The following PPP1R9A variants were observed in gnomAD, a reference collection of about 807,000 sequenced individuals.
PPP1R9A encodes protein phosphatase 1 regulatory subunit 9A.
A neutral mutation model predicts 141.9 loss-of-function variants in PPP1R9A; 59 were observed. The ratio of observed to expected loss-of-function variants is 0.42; its 90% CI spans 0.34 to 0.52. The LOEUF (loss-of-function observed/expected upper bound fraction) is 0.52. Ranked by LOEUF, PPP1R9A falls within the 20% of genes least tolerant of loss-of-function variation. PPP1R9A has a pLI of 0.10. For missense variants in PPP1R9A, 1,444 were observed against 1,611.9 expected (o/e 0.90, Z 1.78); for synonymous variants, 500 against 569.7 (o/e 0.88, Z 1.74).
At chr7:95,288,809 C>T in intron 19 of PPP1R9A, 91 bp downstream of exon 19, 1 of 1,405,754 alleles carries the variant, frequency 7.1e-7, no homozygotes, top group East Asian at 2.4e-5. Flanking sequence ...GAGCATTCTG[C>T]ATATCTGAGA....
intron 2 of PPP1R9A, among the ~76,000 whole-genome samples, chr7:95,101,129 G>A (rs985070361): frequency 6.6e-6 from 1 of 152,082 alleles, no homozygotes; most frequent in Non-Finnish European, 1.5e-5. Context: ...TGGGATTACA[G>A]GCGTGAGCCA....
At chr7:95,142,695 A>T (rs116115555) in intron 4 of PPP1R9A, among the ~76,000 whole-genome samples, 1,588 of 152,154 alleles carry the variant, frequency 0.01, 25 homozygotes, top group African/African-American at 0.037. Context: ...TATGGACAAG[A>T]TTAATTTTTT....
intron 4 of PPP1R9A, among the ~76,000 whole-genome samples, chr7:95,121,519 G>A (rs1359589693): frequency 6.6e-6 from 1 of 150,868 alleles, no homozygotes; most frequent in Admixed American, 6.6e-5. Context: ...CTTAGGCGAA[G>A]ATTTTGATTA....
intron 5 of PPP1R9A, among the ~76,000 whole-genome samples, chr7:95,198,133 T>TC (rs369385106): frequency 7.0e-4 from 107 of 152,288 alleles, no homozygotes; most frequent in African/African-American, 2.4e-3. Context: ...TTTACTTTTT[T>TC]CCCCCTTCTT....
chr7:94,941,886 C>A (rs1795367759), intron 2 of PPP1R9A, among the ~76,000 whole-genome samples: 1 of 151,928 alleles, frequency 6.6e-6, no homozygotes, highest in African/African-American at 2.4e-5. Flanking sequence ...ATGGAAAGAG[C>A]AATTGGCTAT....
chr7:94,983,431 T>G (rs1394126831), intron 2 of PPP1R9A, among the ~76,000 whole-genome samples: 2 of 152,200 alleles, frequency 1.3e-5, no homozygotes, highest in African/African-American at 4.8e-5. Context: ...AGTATGGCCA[T>G]TTTCATGATA....
At chr7:95,224,756 TA>T (rs371912340) in intron 7 of PPP1R9A, among the ~76,000 whole-genome samples, 43 of 151,872 alleles carry the variant, frequency 2.8e-4, no homozygotes, top group Admixed American at 1.6e-3. Context: ...AGGAAGAATA[TA>T]ATACAGAATC....
intron 3 of PPP1R9A, among the ~76,000 whole-genome samples, chr7:95,118,827 CAAAAAAT>C (rs973674007): frequency 6.9e-6 from 1 of 143,988 alleles, no homozygotes; most frequent in African/African-American, 2.6e-5. Context: ...AAAAAAAACA[CAAAAAAT>C]TACCCAGATG....
chr7:95,044,267 A>G (rs1809669197), intron 2 of PPP1R9A, among the ~76,000 whole-genome samples: 1 of 152,188 alleles, frequency 6.6e-6, no homozygotes, highest in African/African-American at 2.4e-5. Context: ...AGCCACCTGA[A>G]GGGACTTCCC....
At chr7:95,064,478 A>G (rs1812684637) in intron 2 of PPP1R9A, among the ~76,000 whole-genome samples, 1 of 152,226 alleles carries the variant, frequency 6.6e-6, no homozygotes, top group Admixed American at 6.5e-5. Flanking sequence ...AATCACCAAC[A>G]AAAAGCACAA....
intron 2 of PPP1R9A, among the ~76,000 whole-genome samples, chr7:95,100,078 T>C (rs1398875223): frequency 6.6e-6 from 1 of 152,130 alleles, no homozygotes; most frequent in African/African-American, 2.4e-5. Context: ...TGTGTGTATG[T>C]GTGTGCATGT....
At chr7:95,086,475 C>A (rs957105790) in intron 2 of PPP1R9A, among the ~76,000 whole-genome samples, 2 of 151,962 alleles carry the variant, frequency 1.3e-5, no homozygotes. Context: ...CTTAACTTGG[C>A]AAATGATGTT....
intron 5 of PPP1R9A, among the ~76,000 whole-genome samples, chr7:95,192,403 T>C (rs1176957108): frequency 6.6e-6 from 1 of 152,012 alleles, no homozygotes; most frequent in Non-Finnish European, 1.5e-5. Context: ...AAATGGCATC[T>C]CTATTTTCTT....
chr7:95,121,112 G>T (rs531176757), intron 4 of PPP1R9A, among the ~76,000 whole-genome samples: 1 of 152,268 alleles, frequency 6.6e-6, no homozygotes, highest in South Asian at 2.1e-4. Context: ...AAACATGGGT[G>T]TATATAGTTG....
chr7:95,037,708 C>CGT (rs773441801), intron 2 of PPP1R9A, among the ~76,000 whole-genome samples: 15 of 152,016 alleles, frequency 9.9e-5, no homozygotes, highest in Admixed American at 7.9e-4. Flanking sequence ...TGCGTGCGCG[C>CGT]GTGTGTGTGT....
chr7:95,036,703 T>G (rs1227985956), intron 2 of PPP1R9A: 2 of 152,244 alleles, frequency 1.3e-5, no homozygotes, highest in Non-Finnish European at 2.9e-5. Flanking sequence ...GGAAAATGGC[T>G]TCTGCTTCGC....
At chr7:94,932,097 T>C (rs978510995) in intron 2 of PPP1R9A, among the ~76,000 whole-genome samples, 2 of 152,236 alleles carry the variant, frequency 1.3e-5, no homozygotes, top group Non-Finnish European at 2.9e-5. Context: ...TCTGCTGTTA[T>C]ATAGATAAAT....
At chr7:94,983,809 G>A (rs573746310) in intron 2 of PPP1R9A, among the ~76,000 whole-genome samples, 3 of 152,180 alleles carry the variant, frequency 2.0e-5, no homozygotes, top group Non-Finnish European at 4.4e-5. Flanking sequence ...TTTCCTAATC[G>A]AATACCTTTT....
At chr7:95,006,493 G>T (rs1803618634) in intron 2 of PPP1R9A, among the ~76,000 whole-genome samples, 2 of 151,880 alleles carry the variant, frequency 1.3e-5, no homozygotes, top group African/African-American at 4.8e-5. Context: ...TTACAGGCGT[G>T]AACCACCTTG....
Sources: allele counts gnomAD v4.1 joint callset (sites outside exome capture counted in the v4.1 genomes callset), GRCh38; gene constraint gnomAD v4.1.1; transcripts MANE v1.5; gene names NCBI Gene and HGNC (gene_info 2026-07-23, HGNC 2026-07-21).